Variants in ANO3 observed in about 807,000 individuals in gnomAD.
ANO3 encodes anoctamin-3.
Under a neutral mutation model 144.8 loss-of-function variants are expected in ANO3, and 99 were observed. That is an observed-to-expected ratio of 0.68 (90% CI 0.58 to 0.81). The LOEUF is 0.81. Ranked by LOEUF, ANO3 falls within the 30% of genes least tolerant of loss-of-function variation. ANO3 has a pLI of 0.00. For missense variants in ANO3, 905 were observed against 1,202.2 expected (o/e 0.75, Z 3.66); for synonymous variants, 414 against 392.6 (o/e 1.05, Z -0.64).
chr11:26,620,485 AAAATT>A (rs1852383252), intron 17 of ANO3, among the ~76,000 whole-genome samples: 3 of 151,962 alleles, frequency 2.0e-5, no homozygotes, highest in South Asian at 2.1e-4. Flanking sequence ...TAAATTTATT[AAAATT>A]AAATTAAACT....
intron 1 of ANO3, among the ~76,000 whole-genome samples, chr11:26,407,723 C>T (rs1857325650): frequency 6.6e-6 from 1 of 151,884 alleles, no homozygotes. Context: ...AATGGCTCTC[C>T]GTTTCTCTTA....
intron 1 of ANO3, among the ~76,000 whole-genome samples, chr11:26,249,414 G>A (rs1283027581): frequency 2.6e-5 from 4 of 152,102 alleles, no homozygotes; most frequent in African/African-American, 9.7e-5. Context: ...TTTAATTCCC[G>A]TTTGCTACAC....
intron 10 of ANO3, among the ~76,000 whole-genome samples, chr11:26,541,341 T>A (rs889349745): frequency 4.6e-5 from 7 of 152,140 alleles, no homozygotes; most frequent in Non-Finnish European, 5.9e-5. Flanking sequence ...AAATACCTAA[T>A]GCAGATGACA....
At chr11:26,346,788 T>TGGTG (rs1405102078) in intron 1 of ANO3, among the ~76,000 whole-genome samples, 1 of 152,202 alleles carries the variant, frequency 6.6e-6, no homozygotes, top group Non-Finnish European at 1.5e-5. Flanking sequence ...TCAATACTCA[T>TGGTG]GGTGCTCCAA....
rs540313059 is a variant in ANO3 at position 26,618,040 on chromosome 11, G to A, written c.1837-6422G>A. On this transcript the variant is annotated intron_variant, in intron 17 of 26. Transcript: ENST00000256737. Reference sequence around the variant, plus strand: ...TTTTCAGACCAAAACTAAATATGCAGCTAATAAAATATATGCTTTTTTGTT... The same window carrying A: ...TTTTCAGACCAAAACTAAATATGCAACTAATAAAATATATGCTTTTTTGTT... 4.6e-5 allele frequency among the ~76,000 whole-genome samples: 7 copies of A among 152,256 alleles called. No homozygotes were observed. The South Asian group carries it at 8.3e-4, about 18-fold the overall frequency.
At chr11:26,507,012 G>C (rs1251589627) in intron 4 of ANO3, among the ~76,000 whole-genome samples, 1 of 152,184 alleles carries the variant, frequency 6.6e-6, no homozygotes, top group East Asian at 1.9e-4. Context: ...ATGAAATAGA[G>C]AGTTGGTACA....
intron 26 of ANO3, among the ~76,000 whole-genome samples, chr11:26,657,773 CT>C (rs1853738663): frequency 6.6e-6 from 1 of 152,056 alleles, no homozygotes. Context: ...CCCCATTTTA[CT>C]GTTTTTAGAT....
chr11:26,535,843 A>T (rs1849495959), intron 9 of ANO3, among the ~76,000 whole-genome samples: 1 of 151,684 alleles, frequency 6.6e-6, no homozygotes, highest in African/African-American at 2.4e-5. Context: ...TCAGCCTCCC[A>T]AAGTGCTGGG....
At chr11:26,513,359 G>C (rs1231076348) in intron 5 of ANO3, among the ~76,000 whole-genome samples, 1 of 152,156 alleles carries the variant, frequency 6.6e-6, no homozygotes, top group African/African-American at 2.4e-5. Context: ...GAAGCTGCTT[G>C]AAAGTACTGC....
At chr11:26,354,231 A>G (rs191354880) in intron 1 of ANO3, among the ~76,000 whole-genome samples, 3 of 152,336 alleles carry the variant, frequency 2.0e-5, no homozygotes, top group African/African-American at 7.2e-5. Context: ...AAAAATCTGG[A>G]TATCTACTAT....
intron 1 of ANO3, 30 bp downstream of exon 1, chr11:26,332,351 G>A (rs778303901): frequency 1.2e-6 from 2 of 1,612,286 alleles, no homozygotes; most frequent in Non-Finnish European, 1.7e-6. Flanking sequence ...CCCTCTCCCT[G>A]CGGGCGTCAC....
At chr11:26,372,083 G>A (rs1856276444) in intron 1 of ANO3, among the ~76,000 whole-genome samples, 2 of 152,278 alleles carry the variant, frequency 1.3e-5, no homozygotes, top group South Asian at 2.1e-4. Flanking sequence ...ATCTTGAATT[G>A]TAGTTCCTAT....
upstream of ANO3, among the ~76,000 whole-genome samples, chr11:26,306,720 C>A (rs1854392362): frequency 6.6e-6 from 1 of 152,188 alleles, no homozygotes; most frequent in Non-Finnish European, 1.5e-5. Flanking sequence ...AATCAGTAGT[C>A]TGGAATGGGG....
intron 1 of ANO3, among the ~76,000 whole-genome samples, chr11:26,391,744 T>C (rs1474583080): frequency 6.6e-6 from 1 of 152,082 alleles, no homozygotes; most frequent in African/African-American, 2.4e-5. Flanking sequence ...TGGTCCATCT[T>C]TGAGAGACCC....
intron 1 of ANO3, among the ~76,000 whole-genome samples, chr11:26,326,396 T>C (rs1384875080): frequency 6.6e-6 from 1 of 152,186 alleles, no homozygotes; most frequent in African/African-American, 2.4e-5. Flanking sequence ...GACTTAGCTA[T>C]ATTTTGAATT....
rs534923196 is a variant in ANO3, at chr11:26,311,809, A to C, written c.-3+2090A>C. On this transcript the variant is annotated intron_variant, in intron 1 of 26. Transcript: ENST00000525139. ...TGTGAGTTTTCTAGGGAATTGATCC[A>C]TATTTCCCTCTTAACTGATTAAAAG... 1.3e-4 allele frequency among the ~76,000 whole-genome samples: 20 copies of C among 152,288 alleles called. No individual in the cohort carries two copies. In the South Asian group the frequency reaches 1.4e-3, roughly 11 times the overall value.
At chr11:26,418,602 G>A (rs990824407) in intron 1 of ANO3, among the ~76,000 whole-genome samples, 1 of 152,080 alleles carries the variant, frequency 6.6e-6, no homozygotes, top group Non-Finnish European at 1.5e-5. Flanking sequence ...GACTTTACAT[G>A]TTACTTCCTA....
chr11:26,520,373 A>G (rs1192376800), intron 6 of ANO3, among the ~76,000 whole-genome samples: 1 of 152,174 alleles, frequency 6.6e-6, no homozygotes, highest in East Asian at 1.9e-4. Flanking sequence ...GAAAAAATGA[A>G]AAAGGGGGGG....
chr11:26,429,943 A>C (rs1858030409), intron 1 of ANO3, among the ~76,000 whole-genome samples: 1 of 152,124 alleles, frequency 6.6e-6, no homozygotes, highest in Non-Finnish European at 1.5e-5. Context: ...AGAGGACAAA[A>C]AGTAAAAGTA....
Sources: gnomAD v4.1 joint callset for allele counts (sites outside exome capture counted in the v4.1 genomes callset) on GRCh38, gnomAD v4.1.1 for gene constraint, MANE v1.5 for transcripts, NCBI Gene and HGNC (gene_info 2026-07-23, HGNC 2026-07-21) for gene names.